The following SPIRE1 variants were observed in gnomAD, a reference collection of about 807,000 sequenced individuals.
The protein encoded by SPIRE1 is protein spire homolog 1.
Under a neutral mutation model 94.1 loss-of-function variants are expected in SPIRE1, and 40 were observed. The observed-to-expected ratio is 0.43, with a 90% CI of 0.33 to 0.55. The LOEUF is 0.55. Ranked by LOEUF, SPIRE1 falls within the 20% of genes least tolerant of loss-of-function variation. The pLI is 0.06. For synonymous variants in SPIRE1, 376 were observed against 371.7 expected (o/e 1.01, Z -0.13); for missense variants, 838 against 975.2 (o/e 0.86, Z 1.87).
intron 8 of SPIRE1, 70 bp from the exon 9 acceptor site, chr18:12,486,070 A>C: frequency 8.3e-7 from 1 of 1,206,914 alleles, no homozygotes; most frequent in Non-Finnish European, 1.2e-6. Context: ...GAGGACAAAA[A>C]AGGGAACGGA....
intron 2 of SPIRE1, among the ~76,000 whole-genome samples, chr18:12,630,656 C>CA (rs1430601196): frequency 6.6e-6 from 1 of 152,080 alleles, no homozygotes; most frequent in Non-Finnish European, 1.5e-5. Flanking sequence ...GACTCTGTCT[C>CA]AAAAAATAAT....
intron 6 of SPIRE1, among the ~76,000 whole-genome samples, chr18:12,504,233 A>G (rs973453484): frequency 2.0e-5 from 3 of 147,662 alleles, no homozygotes; most frequent in Non-Finnish European, 4.5e-5. Context: ...GTGGCTGGGC[A>G]TGGTGGCTCA....
At chr18:12,603,790 G>C (rs2036901226) in intron 2 of SPIRE1, among the ~76,000 whole-genome samples, 1 of 152,064 alleles carries the variant, frequency 6.6e-6, no homozygotes, top group African/African-American at 2.4e-5. Flanking sequence ...GGCCAGGCTG[G>C]TCTTGAACTC....
intron 3 of SPIRE1, among the ~76,000 whole-genome samples, chr18:12,539,851 C>T (rs1467699427): frequency 4.0e-5 from 6 of 150,646 alleles, no homozygotes; most frequent in South Asian, 2.1e-4. Flanking sequence ...TGCTTGAACC[C>T]GGGAGGTGGA....
intron 2 of SPIRE1, among the ~76,000 whole-genome samples, chr18:12,550,893 A>G (rs2035329867): frequency 1.3e-5 from 2 of 152,180 alleles, no homozygotes; most frequent in South Asian, 4.1e-4. Context: ...CTACTTCTCA[A>G]TCTGTCTACA....
At chr18:12,598,826 C>A (rs1352179131) in intron 2 of SPIRE1, among the ~76,000 whole-genome samples, 1 of 152,182 alleles carries the variant, frequency 6.6e-6, no homozygotes, top group Non-Finnish European at 1.5e-5. Context: ...ATAAAGCCAA[C>A]TCTGAAGCCC....
At chr18:12,551,029 G>A (rs1013568392) in intron 2 of SPIRE1, among the ~76,000 whole-genome samples, 2 of 152,160 alleles carry the variant, frequency 1.3e-5, no homozygotes, top group Non-Finnish European at 2.9e-5. Flanking sequence ...TATGTATTCC[G>A]ATATTTCCTT....
chr18:12,534,817 C>T (rs190383570), intron 4 of SPIRE1, among the ~76,000 whole-genome samples: 1 of 152,288 alleles, frequency 6.6e-6, no homozygotes, highest in East Asian at 1.9e-4. Flanking sequence ...TCTGAGCCTC[C>T]CAAGTAGCTG....
At chr18:12,598,419 C>A (rs993060903) in intron 2 of SPIRE1, among the ~76,000 whole-genome samples, 2 of 152,006 alleles carry the variant, frequency 1.3e-5, no homozygotes, top group African/African-American at 4.8e-5. Context: ...CAGTATCTGT[C>A]CTAACATATT....
chr18:12,531,757 A>C (rs916755228), intron 4 of SPIRE1, among the ~76,000 whole-genome samples: 3 of 152,238 alleles, frequency 2.0e-5, no homozygotes, highest in Admixed American at 6.5e-5. Context: ...ACAATAACAA[A>C]ACTGGGGACT....
At chr18:12,500,864 G>A (rs967982467) in intron 6 of SPIRE1, among the ~76,000 whole-genome samples, 2 of 152,070 alleles carry the variant, frequency 1.3e-5, no homozygotes, top group African/African-American at 4.8e-5. Context: ...CCTGAGGTCA[G>A]GAGTTCGAGA....
chr18:12,647,342 T>G (rs1324655821), intron 1 of SPIRE1, among the ~76,000 whole-genome samples: 2 of 152,194 alleles, frequency 1.3e-5, no homozygotes, highest in Non-Finnish European at 2.9e-5. Flanking sequence ...AAAAGACACG[T>G]GCAGTAATGT....
At chr18:12,571,652 CT>C (rs1567941622) in intron 2 of SPIRE1, among the ~76,000 whole-genome samples, 1 of 152,198 alleles carries the variant, frequency 6.6e-6, no homozygotes, top group Non-Finnish European at 1.5e-5. Context: ...TAATAAAATA[CT>C]TTGTCACAAT....
At chr18:12,625,877 T>C (rs894851321) in intron 2 of SPIRE1, among the ~76,000 whole-genome samples, 2 of 152,110 alleles carry the variant, frequency 1.3e-5, no homozygotes, top group Non-Finnish European at 2.9e-5. Flanking sequence ...ACCCCGTCTC[T>C]ACTAAAAATA....
intron 12 of SPIRE1, among the ~76,000 whole-genome samples, chr18:12,457,844 T>C (rs1568181279): frequency 6.9e-6 from 1 of 144,358 alleles, no homozygotes. Context: ...CTTTTCTTTT[T>C]TCTTTTTTTT....
Position 12,657,669 on chromosome 18 carries a change from G to T in SPIRE1, c.198C>A (p.Cys66Ter). 7.4e-7 allele frequency: 1 copy of T among 1,348,044 alleles called. No individual in the cohort carries two copies. 83.5% of individuals were successfully genotyped at this position (1,348,044 alleles called of 1,614,324 possible). Reference sequence around the variant, plus strand: ...GGCGGGCGGCGGCGCGCAGGGAACCGCAGCACTGGTAGCACACGGCCCACG... The same window carrying T: ...GGCGGGCGGCGGCGCGCAGGGAACCTCAGCACTGGTAGCACACGGCCCACG... ...EQAWAVCYQC[C>*]GSLRAAARRR... The change falls in exon 1 of 17, where the codon TGC becomes TGA. Residue 66 changes from cysteine to a stop codon, truncating the protein, a stop_gained. Transcript: ENST00000409402. LOFTEE classifies it high-confidence loss of function.
At chr18:12,465,035 A>C (rs559245951) in intron 10 of SPIRE1, 77 bp from the exon 11 acceptor site, 1 of 1,278,616 alleles carries the variant, frequency 7.8e-7, no homozygotes, top group Admixed American at 2.1e-5. Context: ...TTTTATTATT[A>C]AACAGTTATT....
At chr18:12,655,581 GAAC>G (rs1202002598) in intron 1 of SPIRE1, among the ~76,000 whole-genome samples, 1 of 152,010 alleles carries the variant, frequency 6.6e-6, no homozygotes, top group Non-Finnish European at 1.5e-5. Context: ...GAATTGTGGA[GAAC>G]AACTCCACTC....
intron 4 of SPIRE1, among the ~76,000 whole-genome samples, chr18:12,524,094 C>T (rs952712041): frequency 5.9e-5 from 9 of 152,244 alleles, no homozygotes; most frequent in South Asian, 4.1e-4. Flanking sequence ...TGGAATCCAA[C>T]CCGCAATATC....
Sources: gnomAD v4.1 joint callset for allele counts (sites outside exome capture counted in the v4.1 genomes callset) on GRCh38, gnomAD v4.1.1 for gene constraint, MANE v1.5 for transcripts, NCBI Gene and HGNC (gene_info 2026-07-23, HGNC 2026-07-21) for gene names.